The following CACNA1D variants were observed in gnomAD, a reference collection of about 807,000 sequenced individuals.
The protein encoded by CACNA1D is calcium voltage-gated channel subunit alpha1 D, also known as voltage-dependent L-type calcium channel subunit alpha-1D.
CACNA1D carries 55 observed loss-of-function variants against 257.1 expected under a neutral mutation model. That is an observed-to-expected ratio of 0.21 (90% CI 0.17 to 0.27). The LOEUF (loss-of-function observed/expected upper bound fraction) is 0.27, where lower values mean the gene tolerates loss of function less well. Among genes scored for constraint, CACNA1D ranks in the 10% least tolerant of loss-of-function variants. The probability of loss-of-function intolerance (pLI) is 1.00; values close to 1 mark genes in which losing one functional copy is unlikely to be tolerated. For synonymous variants in CACNA1D, 980 were observed against 1,014.9 expected (o/e 0.97, Z 0.65); for missense variants, 1,876 against 2,784.0 (o/e 0.67, Z 7.34).
chr3:53,804,396 A>G (rs2095551369), intron 44 of CACNA1D, among the ~76,000 whole-genome samples: 1 of 152,044 alleles, frequency 6.6e-6, no homozygotes, highest in Admixed American at 6.5e-5. Flanking sequence ...CCCTGCTTGG[A>G]TGCCCTCACT....
intron 3 of CACNA1D, among the ~76,000 whole-genome samples, chr3:53,604,915 G>A (rs1576055904): frequency 6.6e-6 from 1 of 152,182 alleles, no homozygotes; most frequent in South Asian, 2.1e-4. Flanking sequence ...GATGGTGACA[G>A]TATCCGTAGT....
At chr3:53,764,308 C>T (rs28434705) in intron 30 of CACNA1D, among the ~76,000 whole-genome samples, 42,110 of 152,076 alleles carry the variant, frequency 0.28, 6,561 homozygotes, top group Non-Finnish European at 0.36. Flanking sequence ...CATCTGCCAC[C>T]TTAATCATCT....
chr3:53,583,342 C>A (rs2093162883), intron 3 of CACNA1D, among the ~76,000 whole-genome samples: 1 of 152,038 alleles, frequency 6.6e-6, no homozygotes, highest in South Asian at 2.1e-4. Context: ...TTATTAAGCA[C>A]AGGGATAAGC....
At chr3:53,747,191 G>A (rs572414923) in intron 25 of CACNA1D, 111 bp from the exon 26 acceptor site, 29 of 782,060 alleles carry the variant, frequency 3.7e-5, no homozygotes, top group Admixed American at 2.8e-4. Context: ...ACAGGCGGGC[G>A]GACTGAGTGT....
At chr3:53,514,116 CT>C (rs2091233489) in intron 3 of CACNA1D, among the ~76,000 whole-genome samples, 1 of 152,068 alleles carries the variant, frequency 6.6e-6, no homozygotes. Flanking sequence ...AAGGGAGATA[CT>C]GTTAAAAAAA....
chr3:53,670,038 T>C (rs559096510), intron 7 of CACNA1D, among the ~76,000 whole-genome samples: 4 of 152,376 alleles, frequency 2.6e-5, no homozygotes, highest in African/African-American at 9.6e-5. Context: ...AGGAGACAGC[T>C]ATCCAGATAA....
intron 3 of CACNA1D, among the ~76,000 whole-genome samples, chr3:53,534,871 C>T (rs754714553): frequency 1.4e-4 from 21 of 152,208 alleles, no homozygotes; most frequent in African/African-American, 2.4e-5. Context: ...TGTCCACTCA[C>T]GCCAGCTCCC....
At chr3:53,718,252 G>C in intron 9 of CACNA1D, 49 bp from the exon 10 acceptor site, 2 of 1,526,890 alleles carry the variant, frequency 1.3e-6, no homozygotes, top group Non-Finnish European at 1.8e-6. Context: ...TGCCTCCCAG[G>C]CGTGCAGTGT....
chr3:53,497,379 A>G lies in CACNA1D; in HGVS notation c.295A>G (p.Asn99Asp). The part of the protein sequence containing the change: ...AKSKKQGNSS[N>D]SRPARALFCL... ...GAGCAAAAAACAGGGTAACTCGTCC[A>G]ACAGCCGACCTGCCCGCGCCCTTTT... Residue 99 changes from asparagine (N) to aspartate (D), a missense_variant, in exon 2 of 48, where the codon AAC (asparagine) becomes GAC (aspartate). Around this residue, in one of 10 missense-constraint regions of CACNA1D, gnomAD observed 143 missense variants for 168.7 expected, o/e 0.85. Transcript: ENST00000350061. The G allele has an allele frequency of 6.2e-7, 1 of 1,614,228 alleles. No homozygotes were observed. The highest frequency in any genetic ancestry group is 8.5e-7 in the Non-Finnish European group (1 of 1,180,040).
chr3:53,778,591 A>G (rs2109051145), intron 37 of CACNA1D, among the ~76,000 whole-genome samples: 1 of 152,376 alleles, frequency 6.6e-6, no homozygotes, highest in South Asian at 2.1e-4. Flanking sequence ...CCATTAATTT[A>G]GTGCTTGCCA....
At chr3:53,702,003 G>A (rs1356654816) in intron 8 of CACNA1D, among the ~76,000 whole-genome samples, 4 of 152,136 alleles carry the variant, frequency 2.6e-5, no homozygotes, top group African/African-American at 7.2e-5. Flanking sequence ...ATCAGTGCTC[G>A]AGTTCCCATC....
At chr3:53,686,290 T>G (rs2094472847) in intron 8 of CACNA1D, among the ~76,000 whole-genome samples, 1 of 152,024 alleles carries the variant, frequency 6.6e-6, no homozygotes, top group African/African-American at 2.4e-5. Context: ...TCAGCCGATT[T>G]AGAAAAAAAT....
chr3:53,508,112 G>C (rs1318153906), intron 3 of CACNA1D, among the ~76,000 whole-genome samples: 1 of 152,090 alleles, frequency 6.6e-6, no homozygotes, highest in Non-Finnish European at 1.5e-5. Flanking sequence ...TCATTTTGAG[G>C]AGGGCATGTG....
chr3:53,803,591 T>G lies in CACNA1D; in HGVS notation c.5585+19T>G, dbSNP rs754866955. ...GGAGCAGGTGAGCTGCTCTGGCTCC[T>G]GTGGAGAGCGGGAGGCCGCCCTGCC... On this transcript the variant is annotated intron_variant, in intron 44 of 47. Transcript: ENST00000350061. 3.7e-6 allele frequency: 6 copies of G among 1,612,716 alleles called. No individual in the cohort carries two copies. Among genetic ancestry groups the G allele is most frequent in the Non-Finnish European group, 5.1e-6 (6 of 1,179,458 alleles).
intron 3 of CACNA1D, 103 bp from the exon 4 acceptor site, chr3:53,650,676 C>A: frequency 2.5e-6 from 3 of 1,194,606 alleles, no homozygotes; most frequent in South Asian, 1.2e-5. Context: ...GAGGGAAATG[C>A]TTATATGTCT....
intron 45 of CACNA1D, among the ~76,000 whole-genome samples, chr3:53,806,621 A>T (rs2095567613): frequency 6.6e-6 from 1 of 152,242 alleles, no homozygotes; most frequent in Non-Finnish European, 1.5e-5. Context: ...GACTCTAATC[A>T]GTAACCAAAA....
At position 53,810,182 on chromosome 3, in the gene CACNA1D, A is replaced by G. The variant is rs145573139; in HGVS notation, c.6076A>G (p.Thr2026Ala). 64 of 1,613,868 alleles carry G rather than the reference A, an allele frequency of 4.0e-5. No individual in the cohort carries two copies. The highest frequency in any genetic ancestry group is 5.4e-5 in the Non-Finnish European group (64 of 1,180,038). ...LPSLHRSSWYTDEPDISYRTF... is the reference protein window; with the variant it reads ...LPSLHRSSWYADEPDISYRTF... ...GTCCCTGCACCGCAGCTCCTGGTAC[A>G]CAGACGAGCCCGACATCTCCTACCG... Residue 2026 changes from threonine to alanine, a missense_variant, in exon 47 of 48, where the codon ACA (threonine) becomes GCA (alanine). Thr to Ala is a moderately conservative substitution (Grantham distance 58). Transcript: ENST00000350061.
intron 3 of CACNA1D, among the ~76,000 whole-genome samples, chr3:53,592,529 G>A (rs992721406): frequency 1.3e-5 from 2 of 152,160 alleles, no homozygotes; most frequent in Admixed American, 1.3e-4. Flanking sequence ...TTTGTCTAAT[G>A]TCACCTTAGG....
intron 26 of CACNA1D, 77 bp downstream of exon 26, chr3:53,747,525 C>A: frequency 1.4e-6 from 2 of 1,441,536 alleles, no homozygotes; most frequent in Non-Finnish European, 2.0e-6. Flanking sequence ...TGGAGTCAGT[C>A]CCATTTCTGT....
Sources: allele counts gnomAD v4.1 joint callset (sites outside exome capture counted in the v4.1 genomes callset), GRCh38; gene constraint gnomAD v4.1.1; regional missense constraint gnomAD v4.1.1; transcripts MANE v1.5; gene names NCBI Gene and HGNC (gene_info 2026-07-23, HGNC 2026-07-21).